PTPRG: variants seen among roughly 807,000 people sequenced by gnomAD.
PTPRG encodes receptor-type tyrosine-protein phosphatase gamma.
Under a neutral mutation model 165.3 loss-of-function variants are expected in PTPRG, and 102 were observed. That is an observed-to-expected ratio of 0.62 (90% CI 0.53 to 0.73). The LOEUF (loss-of-function observed/expected upper bound fraction) is 0.73, where lower values mean the gene tolerates loss of function less well. PTPRG is among the 30% of genes least tolerant of loss of function. The pLI is 0.00. For synonymous variants in PTPRG, 675 were observed against 669.5 expected (o/e 1.01, Z -0.13); for missense variants, 1,866 against 1,861.4 (o/e 1.00, Z -0.05).
At chr3:61,913,914 C>T (rs780497926) in intron 2 of PTPRG, among the ~76,000 whole-genome samples, 6 of 152,170 alleles carry the variant, frequency 3.9e-5, no homozygotes, top group Non-Finnish European at 7.3e-5. Flanking sequence ...AACTGAGAGG[C>T]GTGGTCTTAG....
At chr3:62,130,688 C>G (rs1428047141) in intron 5 of PTPRG, among the ~76,000 whole-genome samples, 2 of 152,192 alleles carry the variant, frequency 1.3e-5, no homozygotes, top group Admixed American at 1.3e-4. Flanking sequence ...GTTCTCTTCT[C>G]TTGCATTCCT....
At chr3:62,182,459 T>C (rs1264683653) in intron 8 of PTPRG, among the ~76,000 whole-genome samples, 1 of 152,238 alleles carries the variant, frequency 6.6e-6, no homozygotes, top group Non-Finnish European at 1.5e-5. Context: ...CACAAACTTC[T>C]GTGAATTCTA....
At chr3:61,566,599 C>G (rs559246006) in intron 1 of PTPRG, among the ~76,000 whole-genome samples, 21 of 152,166 alleles carry the variant, frequency 1.4e-4, no homozygotes, top group Non-Finnish European at 2.4e-4. Flanking sequence ...CCTCTACTTC[C>G]CAGGTTCAAG....
intron 1 of PTPRG, among the ~76,000 whole-genome samples, chr3:61,736,950 C>T (rs2032745768): frequency 6.6e-6 from 1 of 152,172 alleles, no homozygotes; most frequent in African/African-American, 2.4e-5. Context: ...GTTGGTTCTT[C>T]ATTGCCTTCT....
intron 4 of PTPRG, among the ~76,000 whole-genome samples, chr3:62,033,271 A>G (rs919014494): frequency 6.6e-6 from 1 of 151,862 alleles, no homozygotes; most frequent in Non-Finnish European, 1.5e-5. Context: ...TTAAAGCTTC[A>G]GTTCAAATGT....
chr3:61,800,906 A>T (rs1037616858), intron 2 of PTPRG, among the ~76,000 whole-genome samples: 1 of 152,026 alleles, frequency 6.6e-6, no homozygotes, highest in Non-Finnish European at 1.5e-5. Flanking sequence ...CAGCCTCCCA[A>T]AGTGCTGGGA....
chr3:61,650,767 C>T (rs1305658964), intron 1 of PTPRG, among the ~76,000 whole-genome samples: 1 of 152,116 alleles, frequency 6.6e-6, no homozygotes, highest in Non-Finnish European at 1.5e-5. Flanking sequence ...CATTTTCAAA[C>T]ACTTAATTGT....
At position 62,243,851 on chromosome 3, in the gene PTPRG, C is replaced by T; in HGVS notation, c.2420C>T (p.Ser807Leu). Residue 807 changes from serine to leucine, a missense_variant, in exon 15 of 30, where the codon TCA becomes TTA. By Grantham distance (145) the Ser-to-Leu change is moderately radical (BLOSUM62 -2). Around this residue, in one of 3 missense-constraint regions of PTPRG, gnomAD observed 1,452 missense variants for 1,463.0 expected, o/e 0.99. Coordinates refer to ENST00000474889, the MANE Select transcript of PTPRG (RefSeq NM_002841.4). ...CATTTCTATGTGGAAGACAGCAGTT[C>T]ACCTCGAGTGGTCCCTAATGAAAGT... ...TAHFYVEDSSSPRVVPNESIP... is the reference protein window; with the variant it reads ...TAHFYVEDSSLPRVVPNESIP... 1.9e-6 allele frequency: 3 copies of T among 1,596,744 alleles called. No individual in the cohort carries two copies. Among genetic ancestry groups the T allele is most frequent in the Non-Finnish European group, 2.6e-6 (3 of 1,164,874 alleles).
intron 1 of PTPRG, among the ~76,000 whole-genome samples, chr3:61,624,924 G>C (rs968510001): frequency 6.6e-6 from 1 of 152,154 alleles, no homozygotes; most frequent in South Asian, 2.1e-4. Flanking sequence ...GAGGCTGGAA[G>C]TCTGAGGTCA....
chr3:61,742,577 C>G lies in PTPRG; in HGVS notation c.86-6301C>G. 4 of 1,591,548 alleles carry G rather than the reference C, an allele frequency of 2.5e-6. No homozygotes were observed. The Admixed American group carries it at 6.7e-5, about 27-fold the overall frequency. ...GCCAGGTGAATGTTATACACAAGCTCATCGGCTGTCATCTTCACGTGACCA... is the reference window on the plus strand; with the variant it reads ...GCCAGGTGAATGTTATACACAAGCTGATCGGCTGTCATCTTCACGTGACCA... On this transcript the variant is annotated intron_variant, in intron 1 of 29. Coordinates refer to ENST00000474889, the MANE Select transcript of PTPRG (RefSeq NM_002841.4).
chr3:61,885,659 C>T (rs2038008983), intron 2 of PTPRG, among the ~76,000 whole-genome samples: 1 of 24,274 alleles, frequency 4.1e-5, no homozygotes, highest in Non-Finnish European at 1.4e-4. Context: ...TTTTCCTTCT[C>T]TCCTCTCCTC....
intron 4 of PTPRG, among the ~76,000 whole-genome samples, chr3:62,018,539 T>C (rs1327143690): frequency 6.6e-6 from 1 of 152,210 alleles, no homozygotes; most frequent in Non-Finnish European, 1.5e-5. Flanking sequence ...GTCTCCAAGT[T>C]AGTCTCAAAA....
intron 3 of PTPRG, among the ~76,000 whole-genome samples, chr3:62,002,225 G>A (rs969860108): frequency 3.9e-5 from 6 of 152,170 alleles, no homozygotes; most frequent in African/African-American, 1.4e-4. Context: ...CATTAGCCTA[G>A]TCCCTATCTT....
intron 1 of PTPRG, chr3:61,742,750 A>G: frequency 6.2e-7 from 1 of 1,611,386 alleles, no homozygotes. Flanking sequence ...GATTCGTGGA[A>G]TCTGCTTGAT....
intron 1 of PTPRG, among the ~76,000 whole-genome samples, chr3:61,611,279 C>CT (rs1405456064): frequency 6.6e-6 from 1 of 152,314 alleles, no homozygotes; most frequent in Admixed American, 6.5e-5. Flanking sequence ...GTTCAGTCTC[C>CT]TTACCTGGAA....
At chr3:62,013,778 AG>A (rs2041480773) in intron 4 of PTPRG, among the ~76,000 whole-genome samples, 1 of 151,322 alleles carries the variant, frequency 6.6e-6, no homozygotes, top group Non-Finnish European at 1.5e-5. Flanking sequence ...GATGCTGTAC[AG>A]GTTTTTTTTT....
At chr3:62,036,041 G>GA (rs1699926230) in intron 4 of PTPRG, among the ~76,000 whole-genome samples, 1 of 133,756 alleles carries the variant, frequency 7.5e-6, no homozygotes, top group African/African-American at 2.9e-5. Flanking sequence ...ATGTGTCAGT[G>GA]ACCAAAAAAA....
intron 1 of PTPRG, among the ~76,000 whole-genome samples, chr3:61,649,602 T>A (rs1702293583): frequency 6.6e-6 from 1 of 152,196 alleles, no homozygotes; most frequent in South Asian, 2.1e-4. Flanking sequence ...AGATCCCGAT[T>A]CTTAATACCA....
rs182162231 is a variant in PTPRG, at chr3:62,254,735, A to C, written c.2468-389A>C. ...ACTCCATTGAACAGCAATTAAAAAA[A>C]AACAACAACAACAACAACAAAGAAA... On this transcript the variant is annotated intron_variant, in intron 15 of 29. Coordinates refer to ENST00000474889, the MANE Select transcript of PTPRG (RefSeq NM_002841.4). This position sits in a 1 kb window ranked among gnomAD's most constrained non-coding sequence, Gnocchi z 4.6. Among the ~76,000 whole-genome samples the C allele has an allele frequency of 1.6e-3, 247 of 152,138 alleles. 2 individuals carry two copies. Among genetic ancestry groups the C allele is most frequent in the South Asian group, 9.1e-3 (44 of 4,822 alleles).
Sources: gnomAD v4.1 joint callset for allele counts (sites outside exome capture counted in the v4.1 genomes callset) on GRCh38, gnomAD v4.1.1 for gene constraint, gnomAD v4.1.1 regional missense constraint, Gnocchi (gnomAD v3.1) non-coding constraint, MANE v1.5 for transcripts, NCBI Gene and HGNC (gene_info 2026-07-23, HGNC 2026-07-21) for gene names.